The following GRIK4 variants were observed in gnomAD, a reference collection of about 807,000 sequenced individuals.
GRIK4 encodes the protein glutamate receptor ionotropic, kainate 4.
In GRIK4, 40 loss-of-function variants were observed where a neutral mutation model predicts 104.9. The ratio of observed to expected loss-of-function variants is 0.38; its 90% CI spans 0.30 to 0.50. The LOEUF is 0.50. Among genes scored for constraint, GRIK4 ranks in the 20% least tolerant of loss-of-function variants. The probability of loss-of-function intolerance (pLI) is 0.93; values close to 1 mark genes in which losing one functional copy is unlikely to be tolerated. For synonymous variants in GRIK4, 485 were observed against 524.9 expected (o/e 0.92, Z 1.04); for missense variants, 1,047 against 1,308.1 (o/e 0.80, Z 3.08).
At chr11:120,679,653 C>G (rs540489853) in intron 3 of GRIK4, among the ~76,000 whole-genome samples, 2 of 152,306 alleles carry the variant, frequency 1.3e-5, no homozygotes, top group Admixed American at 6.5e-5. Context: ...ATGAAGAGAG[C>G]AGGGACCCTC....
chr11:120,580,385 C>T (rs917009116), intron 1 of GRIK4, among the ~76,000 whole-genome samples: 2 of 151,436 alleles, frequency 1.3e-5, no homozygotes, highest in Admixed American at 6.6e-5. Context: ...AAGTGATTCT[C>T]CTGCCTCAGC....
intron 8 of GRIK4, among the ~76,000 whole-genome samples, chr11:120,853,636 T>A (rs375203240): frequency 6.6e-6 from 1 of 152,190 alleles, no homozygotes; most frequent in Middle Eastern, 3.2e-3. Flanking sequence ...GACAGGTGGA[T>A]CATGTGACAT....
Position 120,862,131 on chromosome 11 carries a change from G to T in GRIK4, c.906+11G>T, listed in dbSNP as rs368104147. ...TTCACTGGGCCTGCGGTAAGTACCC[G>T]CCAGAGCTCTTCCTGGTGCCCCTTG... On this transcript the variant is annotated intron_variant, in intron 9 of 20. Transcript: ENST00000527524. The T allele has an allele frequency of 6.2e-7, 1 of 1,611,010 alleles. No homozygotes were observed. Among genetic ancestry groups the T allele is most frequent in the Non-Finnish European group, 8.5e-7 (1 of 1,178,514 alleles).
intron 4 of GRIK4, among the ~76,000 whole-genome samples, chr11:120,814,477 G>A (rs1252771129): frequency 1.3e-5 from 2 of 152,164 alleles, no homozygotes; most frequent in Non-Finnish European, 2.9e-5. Context: ...GTGGGTGCCT[G>A]TAATCCCAGT....
At chr11:120,691,294 C>T (rs552249339) in intron 3 of GRIK4, among the ~76,000 whole-genome samples, 38 of 152,234 alleles carry the variant, frequency 2.5e-4, no homozygotes, top group Admixed American at 1.8e-3. Context: ...CTCAGAAGCT[C>T]AGAAGTTAAG....
intron 1 of GRIK4, among the ~76,000 whole-genome samples, chr11:120,638,587 C>T (rs914239998): frequency 2.6e-5 from 4 of 151,916 alleles, no homozygotes; most frequent in Non-Finnish European, 4.4e-5. Flanking sequence ...ACGCCATTCT[C>T]CTGCCTCAGC....
intron 3 of GRIK4, among the ~76,000 whole-genome samples, chr11:120,724,074 T>G (rs529442136): frequency 6.6e-6 from 1 of 152,332 alleles, no homozygotes; most frequent in East Asian, 1.9e-4. Context: ...CCTTTTCATC[T>G]GTTTTCTTTC....
intron 3 of GRIK4, among the ~76,000 whole-genome samples, chr11:120,776,246 G>A (rs1027428230): frequency 1.3e-5 from 2 of 152,130 alleles, no homozygotes; most frequent in Non-Finnish European, 2.9e-5. Flanking sequence ...CATCTCTACC[G>A]CACCTCTGGG....
rs189969704 is a variant in GRIK4 at position 120,902,589 on chromosome 11, G to A, written c.1273-2701G>A. 1.2e-4 allele frequency among the ~76,000 whole-genome samples: 18 copies of A among 152,230 alleles called. No homozygotes were observed. Among genetic ancestry groups the A allele is most frequent in the Non-Finnish European group, 2.2e-4 (15 of 68,018 alleles). The stretch of plus-strand genomic sequence containing the variant: ...TTGTTTGCTTCTTACTCACATGATC[G>A]GCAAGTGCTTAATGCTGAGCCAGGT... On this transcript the variant is annotated intron_variant, in intron 12 of 20. Transcript: ENST00000527524. This position sits in a 1 kb window ranked among gnomAD's most constrained non-coding sequence, Gnocchi z 4.5.
At chr11:120,577,949 C>G (rs1192756157) in intron 1 of GRIK4, among the ~76,000 whole-genome samples, 1 of 152,226 alleles carries the variant, frequency 6.6e-6, no homozygotes, top group Non-Finnish European at 1.5e-5. Flanking sequence ...CCTCCATCCC[C>G]TGTAGTGGCT....
chr11:120,927,079 C>T (rs1278747237), intron 13 of GRIK4, among the ~76,000 whole-genome samples: 1 of 152,142 alleles, frequency 6.6e-6, no homozygotes, highest in African/African-American at 2.4e-5. Flanking sequence ...GGAAAGTGAA[C>T]TTGTCATGTT....
chr11:120,936,322 T>G (rs1322318301), intron 13 of GRIK4: 1 of 508,364 alleles, frequency 2.0e-6, no homozygotes, highest in Non-Finnish European at 3.9e-6. Flanking sequence ...TCTCCTTTGA[T>G]GTGAGGGCAA....
intron 1 of GRIK4, among the ~76,000 whole-genome samples, chr11:120,640,057 G>C (rs1949450933): frequency 2.0e-5 from 3 of 152,090 alleles, no homozygotes; most frequent in Non-Finnish European, 4.4e-5. Flanking sequence ...GCCAGAAAGG[G>C]GTCTTGATCC....
chr11:120,818,232 T>TA (rs1272615784), intron 5 of GRIK4, among the ~76,000 whole-genome samples: 1 of 152,204 alleles, frequency 6.6e-6, no homozygotes. Flanking sequence ...GCTAGAGGGT[T>TA]ACACAGGGAC....
intron 1 of GRIK4, among the ~76,000 whole-genome samples, chr11:120,515,668 C>T (rs910793774): frequency 5.3e-5 from 8 of 152,310 alleles, no homozygotes; most frequent in African/African-American, 7.2e-5. Flanking sequence ...CCCAGCAGAG[C>T]GAGGCTGTTC....
chr11:120,981,002 C>T (rs1050031306), intron 19 of GRIK4, among the ~76,000 whole-genome samples: 10 of 142,216 alleles, frequency 7.0e-5, no homozygotes, highest in Admixed American at 4.9e-4. Context: ...TAGTGCCGTG[C>T]GAAGCTGACT....
intron 3 of GRIK4, among the ~76,000 whole-genome samples, chr11:120,674,241 C>T (rs538532019): frequency 6.6e-6 from 1 of 152,186 alleles, no homozygotes; most frequent in Admixed American, 6.5e-5. Flanking sequence ...CAGAAGCAGG[C>T]ACTCTTTTCA....
At chr11:120,597,204 C>CA (rs35721542) in intron 1 of GRIK4, among the ~76,000 whole-genome samples, 47,815 of 152,154 alleles carry the variant, frequency 0.31, 9,124 homozygotes, top group Admixed American at 0.45. Context: ...GAGGCAGCTC[C>CA]ACTCACCTTG....
At chr11:120,645,857 C>T (rs922681133) in intron 1 of GRIK4, among the ~76,000 whole-genome samples, 1 of 152,350 alleles carries the variant, frequency 6.6e-6, no homozygotes, top group Admixed American at 6.5e-5. Flanking sequence ...GCTGTGTCCC[C>T]CTGCACTCAA....
Sources: allele counts gnomAD v4.1 joint callset (sites outside exome capture counted in the v4.1 genomes callset), GRCh38; gene constraint gnomAD v4.1.1; non-coding constraint Gnocchi (gnomAD v3.1); transcripts MANE v1.5; gene names NCBI Gene and HGNC (gene_info 2026-07-23, HGNC 2026-07-21).